Variants in LHFPL5 observed in about 807,000 individuals in gnomAD.
LHFPL5 encodes the protein LHFPL tetraspan subfamily member 5 protein.
LHFPL5 carries 12 observed loss-of-function variants against 18.7 expected under a neutral mutation model. The ratio of observed to expected loss-of-function variants is 0.64; its 90% CI spans 0.41 to 1.04. LHFPL5 has a LOEUF of 1.04. LHFPL5 is among the 50% of genes least tolerant of loss of function. The probability of loss-of-function intolerance (pLI) is 0.00; values close to 1 mark genes in which losing one functional copy is unlikely to be tolerated. For synonymous variants in LHFPL5, 111 were observed against 120.2 expected (o/e 0.92, Z 0.50); for missense variants, 259 against 292.1 (o/e 0.89, Z 0.83).
At position 35,823,422 on chromosome 6, in the gene LHFPL5, C is replaced by CACAT. The variant is rs886061351; in HGVS notation, c.*465_*468dup. ...ACACACACACACACACACACACACA[C>CACAT]ACATACATACACACACACATATATA... is the stretch of plus-strand genomic sequence containing the variant. On this transcript the variant is annotated 3_prime_UTR_variant, in exon 4 of 4. Transcript: ENST00000360215. 1 of 119,752 alleles carries CACAT rather than the reference C, an allele frequency of 8.4e-6. No individual in the cohort carries two copies. Among genetic ancestry groups the CACAT allele is most frequent in the Non-Finnish European group, 1.7e-5 (1 of 57,268 alleles). The allele number at this position is 119,752 out of a possible 1,614,324, so 7.4% of individuals were successfully genotyped here.
intron 2 of LHFPL5, among the ~76,000 whole-genome samples, chr6:35,818,383 G>A (rs1768808344): frequency 8.4e-6 from 1 of 119,604 alleles, no homozygotes; most frequent in Non-Finnish European, 1.6e-5. Flanking sequence ...TTTTGAGACA[G>A]ATTCTGGCTC....
At chr6:35,807,786 G>A (rs770722285) in intron 1 of LHFPL5, among the ~76,000 whole-genome samples, 6 of 152,120 alleles carry the variant, frequency 3.9e-5, no homozygotes, top group Non-Finnish European at 2.9e-5. Context: ...AGAATTAAGC[G>A]GGCAACTGAG....
intron 2 of LHFPL5, among the ~76,000 whole-genome samples, chr6:35,817,516 A>G (rs1768787084): frequency 6.6e-6 from 1 of 152,214 alleles, no homozygotes; most frequent in Non-Finnish European, 1.5e-5. Context: ...CAATGAAAAG[A>G]CAGACTACCC....
At chr6:35,816,474 C>G (rs1768763386) in intron 2 of LHFPL5, among the ~76,000 whole-genome samples, 1 of 151,976 alleles carries the variant, frequency 6.6e-6, no homozygotes, top group African/African-American at 2.4e-5. Flanking sequence ...CAGGGAAAGG[C>G]CTAGATCCCG....
chr6:35,810,894 T>C (rs1443063800), intron 1 of LHFPL5, among the ~76,000 whole-genome samples: 1 of 151,056 alleles, frequency 6.6e-6, no homozygotes, highest in African/African-American at 2.4e-5. Context: ...GCATGAGAAG[T>C]GATGCCGTAG....
intron 1 of LHFPL5, 44 bp downstream of exon 1, chr6:35,806,126 G>A (rs1210488124): frequency 6.3e-7 from 1 of 1,599,570 alleles, no homozygotes; most frequent in South Asian, 1.1e-5. Context: ...CCACCCCGGG[G>A]CCACAGCTGC....
chr6:35,812,719 A>T (rs1768685576), intron 1 of LHFPL5, among the ~76,000 whole-genome samples: 1 of 152,186 alleles, frequency 6.6e-6, no homozygotes, highest in Non-Finnish European at 1.5e-5. Context: ...GGTTAGGGTT[A>T]TTATTATGTC....
At chr6:35,813,792 C>CTTT (rs1012092184) in intron 1 of LHFPL5, among the ~76,000 whole-genome samples, 36 of 121,516 alleles carry the variant, frequency 3.0e-4, no homozygotes, top group East Asian at 5.0e-4. Context: ...TTTCCTTTTC[C>CTTT]TTTTTTTTTT....
intron 1 of LHFPL5, among the ~76,000 whole-genome samples, chr6:35,808,367 G>A (rs1050227355): frequency 1.4e-5 from 2 of 144,880 alleles, no homozygotes; most frequent in South Asian, 4.3e-4. Context: ...TAATAATAAG[G>A]CCAGCTGCAG....
intron 3 of LHFPL5, among the ~76,000 whole-genome samples, chr6:35,820,269 C>T (rs766482506): frequency 7.3e-5 from 11 of 151,720 alleles, no homozygotes; most frequent in Admixed American, 1.3e-4. Context: ...TCCTCATAGC[C>T]GAGGCAAAAA....
intron 1 of LHFPL5, among the ~76,000 whole-genome samples, chr6:35,811,757 C>T (rs2151070151): frequency 6.6e-6 from 1 of 152,382 alleles, no homozygotes; most frequent in African/African-American, 2.4e-5. Context: ...GCTGGACTCA[C>T]ATCAAGTCGG....
rs141577252 is a variant in LHFPL5, at chr6:35,809,276, A to G, written c.412+3194A>G. 2.5e-4 allele frequency among the ~76,000 whole-genome samples: 38 copies of G among 152,296 alleles called. No individual in the cohort carries two copies. In the East Asian group the frequency reaches 7.0e-3, roughly 28 times the overall value. ...TTAGTTCTATTTAGTCAGGGCTGCC[A>G]TAACAAATTACCATAGATTAGGGGG... is the stretch of plus-strand genomic sequence containing the variant. On this transcript the variant is annotated intron_variant, in intron 1 of 3. Transcript: ENST00000360215.
At position 35,805,608 on chromosome 6, in the gene LHFPL5, C is replaced by G. The variant is rs41270084; in HGVS notation, c.-63C>G. 6.9e-3 allele frequency: 10,849 copies of G among 1,574,914 alleles called. 102 individuals carry two copies. Among genetic ancestry groups the G allele is most frequent in the Middle Eastern group, 0.03 (178 of 5,986 alleles). Reference sequence around the variant, plus strand: ...TGGGGAGTGACCTGCTTCTAGGCCTCCATCCACAAAGCTACGGACTTGCAG... The same window carrying G: ...TGGGGAGTGACCTGCTTCTAGGCCTGCATCCACAAAGCTACGGACTTGCAG... On this transcript the variant is annotated 5_prime_UTR_variant, in exon 1 of 4. Transcript: ENST00000360215. The surrounding 1 kb of genome is among the most constrained non-coding windows in gnomAD (Gnocchi z 4.3).
At chr6:35,808,203 C>T (rs1202049470) in intron 1 of LHFPL5, among the ~76,000 whole-genome samples, 1 of 151,760 alleles carries the variant, frequency 6.6e-6, no homozygotes, top group African/African-American at 2.4e-5. Flanking sequence ...GTAGTCCTAG[C>T]ACTTTGGGAG....
intron 3 of LHFPL5, among the ~76,000 whole-genome samples, chr6:35,820,528 G>A (rs192156677): frequency 0.013 from 1,955 of 151,888 alleles, 23 homozygotes; most frequent in Non-Finnish European, 0.019. Context: ...GTGAAACCCC[G>A]TCTCTACTAA....
chr6:35,821,475 G>T (rs1253865602), intron 3 of LHFPL5, among the ~76,000 whole-genome samples: 1 of 143,896 alleles, frequency 6.9e-6, no homozygotes, highest in African/African-American at 2.6e-5. Context: ...GTGTGTGTGT[G>T]TGTGTGTGTG....
At chr6:35,811,047 C>T (rs1768657851) in intron 1 of LHFPL5, among the ~76,000 whole-genome samples, 1 of 152,160 alleles carries the variant, frequency 6.6e-6, no homozygotes, top group Non-Finnish European at 1.5e-5. Flanking sequence ...CAGTCACCAT[C>T]AGCTGTCCTC....
At chr6:35,817,251 G>T (rs1454153846) in intron 2 of LHFPL5, among the ~76,000 whole-genome samples, 1 of 152,058 alleles carries the variant, frequency 6.6e-6, no homozygotes, top group Non-Finnish European at 1.5e-5. Context: ...AACCTGGGAG[G>T]CAGAGCTTGC....
intron 2 of LHFPL5, among the ~76,000 whole-genome samples, chr6:35,816,217 G>T (rs1476515525): frequency 2.0e-5 from 3 of 147,444 alleles, no homozygotes; most frequent in Non-Finnish European, 4.5e-5. Context: ...GCGGTGGCTC[G>T]CAGCTGTAGT....
Sources: gnomAD v4.1 joint callset for allele counts (sites outside exome capture counted in the v4.1 genomes callset) on GRCh38, gnomAD v4.1.1 for gene constraint, Gnocchi (gnomAD v3.1) non-coding constraint, MANE v1.5 for transcripts, NCBI Gene and HGNC (gene_info 2026-07-23, HGNC 2026-07-21) for gene names.